OSBPL5: variants seen among roughly 807,000 people sequenced by gnomAD.
The protein encoded by OSBPL5 is oxysterol binding protein like 5.
OSBPL5 carries 71 observed loss-of-function variants against 111.2 expected under a neutral mutation model. The ratio of observed to expected loss-of-function variants is 0.64; its 90% CI spans 0.53 to 0.78. The LOEUF is 0.78. OSBPL5 is among the 30% of genes least tolerant of loss of function. The pLI, the probability that OSBPL5 is intolerant of heterozygous loss-of-function variation, is 0.00. For missense variants in OSBPL5, 1,210 were observed against 1,189.3 expected (o/e 1.02, Z -0.26); for synonymous variants, 549 against 513.9 (o/e 1.07, Z -0.93).
In OSBPL5 at chr11:3,122,407, C is replaced by T. The variant is rs201350460; in HGVS notation, c.241G>A (p.Gly81Arg). Residue 81 changes from glycine to arginine, a missense_variant, in exon 4 of 22, where the codon GGG (glycine) becomes AGG (arginine). Gly to Arg is a moderately radical substitution (Grantham distance 125). Transcript: ENST00000263650. ...GGGGACACACATTCCTTGTCTGACC[C>T]GTTGCACAGCCTGTACTCTGCCTGA... is the stretch of plus-strand genomic sequence containing the variant. ...VPPAEYRLCN[G>R]SDKECVSPTA... The T allele has an allele frequency of 2.2e-4, 359 of 1,613,802 alleles. 3 individuals are homozygous for T. Among genetic ancestry groups the T allele is most frequent in the South Asian group, 1.5e-3 (133 of 91,044 alleles).
chr11:3,090,738 C>T lies in OSBPL5; in HGVS notation c.2260-42G>A, dbSNP rs372474073. 22 of 1,571,068 alleles carry T rather than the reference C, an allele frequency of 1.4e-5. No individual in the cohort carries two copies. The South Asian group carries it at 2.0e-4, about 14-fold the overall frequency. On this transcript the variant is annotated intron_variant, in intron 19 of 21. Transcript: ENST00000263650. ...CTGCTGCAGCTGAAAGCCACCCACG[C>T]CCCCTGCCCAGGCCCCAGGGACATG...
chr11:3,102,248 C>G lies in OSBPL5; in HGVS notation c.1360G>C (p.Glu454Gln). Residue 454 changes from glutamate (E) to glutamine (Q), a missense_variant, in exon 12 of 22, where the codon GAG becomes CAG. By Grantham distance (29) the Glu-to-Gln change is conservative (BLOSUM62 2). Coordinates refer to ENST00000263650, the MANE Select transcript of OSBPL5 (RefSeq NM_020896.4). ...IKKPYNPILG[E>Q]TFRCCWFHPQ... ...TGGAACCAGCAGCAGCGGAAGGTCT[C>G]CCCCAGGATGGGGTTGTACGGCTTC... 1 of 1,607,810 alleles carries G rather than the reference C, an allele frequency of 6.2e-7. No individual in the cohort carries two copies. Among genetic ancestry groups the G allele is most frequent in the East Asian group, 2.2e-5 (1 of 44,652 alleles).
chr11:3,153,061 C>T (rs1212522462), intron 1 of OSBPL5, among the ~76,000 whole-genome samples: 1 of 152,002 alleles, frequency 6.6e-6, no homozygotes, highest in Non-Finnish European at 1.5e-5. Context: ...AGAAACAGCC[C>T]ACAGAGTGCA....
rs145930741 is a variant in OSBPL5, at chr11:3,121,121, T to C, written c.403-497A>G. Among the ~76,000 whole-genome samples the C allele has an allele frequency of 6.7e-6, 1 of 149,480 alleles. No individual in the cohort carries two copies. The highest frequency in any genetic ancestry group is 1.5e-5 in the Non-Finnish European group (1 of 67,506). ...GCCCAGGCTGGAGGTGCAGTGGTGC[T>C]ATCTTGGCTCGCTGCAAACTCTGCC... On this transcript the variant is annotated intron_variant, in intron 5 of 21. Coordinates refer to ENST00000263650, the MANE Select transcript of OSBPL5 (RefSeq NM_020896.4). The surrounding 1 kb of genome is among the most constrained non-coding windows in gnomAD (Gnocchi z 4.3).
At position 3,107,734 on chromosome 11, in the gene OSBPL5, G is replaced by A. The variant is rs1857758178; in HGVS notation, c.866+37C>T. 28 of 1,603,048 alleles carry A rather than the reference G, an allele frequency of 1.7e-5. No homozygotes were observed. The highest frequency in any genetic ancestry group is 2.2e-5 in the Non-Finnish European group (26 of 1,176,888). On this transcript the variant is annotated intron_variant, in intron 8 of 21. Transcript: ENST00000263650. This position sits in a 1 kb window ranked among gnomAD's most constrained non-coding sequence, Gnocchi z 6.1. ...TTCCTCGCCTACAAGGAGACCCCGTGAATCACCACCAGCCCCTGTGCCCTC... is the reference window on the plus strand; with the variant it reads ...TTCCTCGCCTACAAGGAGACCCCGTAAATCACCACCAGCCCCTGTGCCCTC...
At position 3,134,066 on chromosome 11, in the gene OSBPL5, C is replaced by G. The variant is rs1266361380; in HGVS notation, c.-21-4897G>C. On this transcript the variant is annotated intron_variant, in intron 1 of 21. Coordinates refer to ENST00000263650, the MANE Select transcript of OSBPL5 (RefSeq NM_020896.4). The stretch of plus-strand genomic sequence containing the variant: ...AGGAGGGAAGGGTGCAGGCCTGGAG[C>G]TCAGAAACAGGCAGGCGACAGGTGG... 2.6e-5 allele frequency among the ~76,000 whole-genome samples: 4 copies of G among 152,138 alleles called. No homozygotes were observed. The East Asian group carries it at 5.8e-4, about 22-fold the overall frequency.
At chr11:3,120,118 C>A (rs1315052656) in intron 6 of OSBPL5, 1 of 523,650 alleles carries the variant, frequency 1.9e-6, no homozygotes, top group Admixed American at 3.2e-5. Flanking sequence ...GGGGTGAGGG[C>A]TGGGCGCTGT....
intron 1 of OSBPL5, among the ~76,000 whole-genome samples, chr11:3,159,672 G>T (rs543303640): frequency 3.9e-5 from 6 of 152,222 alleles, no homozygotes; most frequent in Non-Finnish European, 8.8e-5. Flanking sequence ...CAGAGACAGG[G>T]TGCACCTGGG....
At position 3,104,111 on chromosome 11, in the gene OSBPL5, G is replaced by A; in HGVS notation, c.1244+82C>T. 5 of 1,430,266 alleles carry A rather than the reference G, an allele frequency of 3.5e-6. No homozygotes were observed. The highest frequency in any genetic ancestry group is 4.7e-6 in the Non-Finnish European group (5 of 1,053,580). The allele number at this position is 1,430,266 out of a possible 1,614,324, so 88.6% of individuals were successfully genotyped here. On this transcript the variant is annotated intron_variant, in intron 10 of 21. Transcript: ENST00000263650. The surrounding 1 kb of genome is among the most constrained non-coding windows in gnomAD (Gnocchi z 5.0). Reference sequence around the variant, plus strand: ...GGGATTCTCTGGAAGCCCCCACAGGGCAGGTAGGGGCTGGGGGTGCTGCAG... The same window carrying A: ...GGGATTCTCTGGAAGCCCCCACAGGACAGGTAGGGGCTGGGGGTGCTGCAG...
At chr11:3,095,432 G>A (rs1165813723) in intron 14 of OSBPL5, among the ~76,000 whole-genome samples, 2 of 152,112 alleles carry the variant, frequency 1.3e-5, no homozygotes, top group African/African-American at 2.4e-5. Flanking sequence ...AGAAATGGTC[G>A]ATTTGAGGTC....
intron 1 of OSBPL5, among the ~76,000 whole-genome samples, chr11:3,147,879 C>T (rs190324016): frequency 1.1e-4 from 16 of 152,288 alleles, no homozygotes; most frequent in Admixed American, 7.8e-4. Context: ...TGGGTCTCCA[C>T]CACCAAGAGC....
chr11:3,114,402 C>G (rs1350239533), intron 7 of OSBPL5, among the ~76,000 whole-genome samples: 1 of 151,654 alleles, frequency 6.6e-6, no homozygotes, highest in African/African-American at 2.4e-5. Context: ...GAGGGATGTT[C>G]AGGACAAACC....
At chr11:3,119,452 T>G in intron 7 of OSBPL5, 95 bp downstream of exon 7, 2 of 1,280,554 alleles carry the variant, frequency 1.6e-6, no homozygotes, top group Non-Finnish European at 2.1e-6. Flanking sequence ...TAGAAGGGAC[T>G]GAACTGGGGC....
At chr11:3,118,758 A>G (rs1403744090) in intron 7 of OSBPL5, among the ~76,000 whole-genome samples, 1 of 151,838 alleles carries the variant, frequency 6.6e-6, no homozygotes, top group Non-Finnish European at 1.5e-5. Flanking sequence ...TTTAGTAGAG[A>G]CAGGGTTTCG....
At chr11:3,120,652 C>G (rs1252303423) in intron 5 of OSBPL5, 28 bp from the exon 6 acceptor site, 1 of 1,606,572 alleles carries the variant, frequency 6.2e-7, no homozygotes, top group Non-Finnish European at 8.5e-7. Context: ...GCGTCGATGC[C>G]CACCCTCTGG....
Position 3,089,871 on chromosome 11 carries a change from G to T in OSBPL5, c.2476C>A (p.Arg826=). The T allele has an allele frequency of 6.4e-7, 1 of 1,563,316 alleles. No individual in the cohort carries two copies. The highest frequency in any genetic ancestry group is 1.4e-5 in the African/African-American group (1 of 73,812). The change falls in exon 21 of 22, where the codon CGA becomes AGA. Residue 826 remains arginine (R), a synonymous_variant. Coordinates refer to ENST00000263650, the MANE Select transcript of OSBPL5 (RefSeq NM_020896.4). The part of the protein sequence containing the change: ...QALHEAILSI[R]EAQQELHRHL... Reference sequence around the variant, plus strand: ...CTGTGCAGCTCCTGCTGGGCCTCTCGGATGGAGAGGATGGCCTCGTGCAGG... The same window carrying T: ...CTGTGCAGCTCCTGCTGGGCCTCTCTGATGGAGAGGATGGCCTCGTGCAGG...
At position 3,100,256 on chromosome 11, in the gene OSBPL5, C is replaced by T. The variant is rs1043182688; in HGVS notation, c.1523G>A (p.Gly508Glu). ...GSITAKSRFY[G>E]NSLSALLDGK... ...GTCCAGCAGCGCCGACAGCGAGTTC[C>T]CTGCAGAGACAAGAGACAGCAGGAC... The change falls in exon 14 of 22, where the codon GGG (glycine) becomes GAG (glutamate). Residue 508 changes from glycine (G) to glutamate (E), a missense_variant and splice_region_variant. Physicochemically the swap from Gly to Glu is moderately conservative, Grantham distance 98. Coordinates refer to ENST00000263650, the MANE Select transcript of OSBPL5 (RefSeq NM_020896.4). 1.9e-6 allele frequency: 3 copies of T among 1,613,766 alleles called. No individual in the cohort carries two copies. The highest frequency in any genetic ancestry group is 1.7e-5 in the Admixed American group (1 of 59,970).
chr11:3,120,749 C>T (rs1414376919), intron 5 of OSBPL5, 125 bp from the exon 6 acceptor site: 7 of 937,994 alleles, frequency 7.5e-6, no homozygotes, highest in Non-Finnish European at 1.1e-5. Flanking sequence ...TCCCCTCCCT[C>T]ACTCCCCCAC....
At chr11:3,108,916 G>A (rs1451948397) in intron 7 of OSBPL5, among the ~76,000 whole-genome samples, 1 of 151,652 alleles carries the variant, frequency 6.6e-6, no homozygotes, top group Non-Finnish European at 1.5e-5. Context: ...TTACAGGCAT[G>A]CACCACCACA....
Sources: allele counts gnomAD v4.1 joint callset (sites outside exome capture counted in the v4.1 genomes callset), GRCh38; gene constraint gnomAD v4.1.1; non-coding constraint Gnocchi (gnomAD v3.1); transcripts MANE v1.5; gene names NCBI Gene and HGNC (gene_info 2026-07-23, HGNC 2026-07-21).